AGAP1: variants seen among roughly 807,000 people sequenced by gnomAD.
The protein encoded by AGAP1 is arf-GAP with GTPase, ANK repeat and PH domain-containing protein 1.
Under a neutral mutation model 105.3 loss-of-function variants are expected in AGAP1, and 29 were observed. That is an observed-to-expected ratio of 0.28 (90% CI 0.21 to 0.38). AGAP1 has a LOEUF of 0.38. AGAP1 is among the 10% of genes least tolerant of loss of function. The pLI is 1.00. For synonymous variants in AGAP1, 509 were observed against 485.9 expected (o/e 1.05, Z -0.63); for missense variants, 998 against 1,165.1 (o/e 0.86, Z 2.09).
chr2:235,632,982 C>T (rs1446772408), intron 1 of AGAP1, among the ~76,000 whole-genome samples: 3 of 152,020 alleles, frequency 2.0e-5, no homozygotes, highest in Non-Finnish European at 4.4e-5. Flanking sequence ...GAAGGGGTCT[C>T]GGCTTCCTTC....
rs1559210965 is a variant in AGAP1, at chr2:235,509,443, G to A, written c.163+14594G>A. 1.3e-5 allele frequency among the ~76,000 whole-genome samples: 2 copies of A among 151,950 alleles called. 1 individual carries two copies. Among genetic ancestry groups the A allele is most frequent in the South Asian group, 4.2e-4 (2 of 4,802 alleles). ...AGAGACGGTTTCACCATGTTGGCCA[G>A]GCTGGTCTCGAACTCCTGACCTCAA... is the stretch of plus-strand genomic sequence containing the variant. On this transcript the variant is annotated intron_variant, in intron 1 of 17. Coordinates refer to ENST00000304032, the MANE Select transcript of AGAP1 (RefSeq NM_001037131.3).
At chr2:235,678,692 TTGTC>T in intron 1 of AGAP1, among the ~76,000 whole-genome samples, 1 of 152,128 alleles carries the variant, frequency 6.6e-6, no homozygotes, top group South Asian at 2.1e-4. Flanking sequence ...AGGAAGATAT[TTGTC>T]TGGAGTTTCT....
At chr2:236,043,419 A>G (rs554889392) in intron 15 of AGAP1, among the ~76,000 whole-genome samples, 3 of 152,186 alleles carry the variant, frequency 2.0e-5, no homozygotes, top group Middle Eastern at 3.2e-3. Context: ...GCTACCTTTA[A>G]AAATCATGGA....
Position 235,750,496 on chromosome 2 carries a change from C to T in AGAP1, c.673+8C>T. 1 of 1,613,970 alleles carries T rather than the reference C, an allele frequency of 6.2e-7. No homozygotes were observed. On this transcript the variant is annotated splice_region_variant and intron_variant, in intron 6 of 17. Transcript: ENST00000304032. The surrounding 1 kb of genome is among the most constrained non-coding windows in gnomAD (Gnocchi z 5.3). ...AGAGGGTCTTCCAGGACGGTAAATG[C>T]GCGTGGCTGGGAGTTTAATTTCAGT... is the stretch of plus-strand genomic sequence containing the variant.
Position 236,044,287 on chromosome 2 carries a change from G to A in AGAP1, c.1891+3446G>A, listed in dbSNP as rs984493544. Among the ~76,000 whole-genome samples the A allele has an allele frequency of 6.6e-6, 1 of 152,150 alleles. No homozygotes were observed. The highest frequency in any genetic ancestry group is 6.5e-5 in the Admixed American group (1 of 15,272). On this transcript the variant is annotated intron_variant, in intron 15 of 17. Transcript: ENST00000304032. The surrounding 1 kb of genome is among the most constrained non-coding windows in gnomAD (Gnocchi z 5.7). ...CCTTTGTTTAGGGTGCCTGTTGCCTGCCTTCTGCCAGGAACATGCCAAGGA... is the reference window on the plus strand; with the variant it reads ...CCTTTGTTTAGGGTGCCTGTTGCCTACCTTCTGCCAGGAACATGCCAAGGA...
chr2:235,942,799 G>C (rs907033833), intron 12 of AGAP1, among the ~76,000 whole-genome samples: 1 of 151,952 alleles, frequency 6.6e-6, no homozygotes, highest in African/African-American at 2.4e-5. Context: ...AATTTCAGGG[G>C]GACTTTTTTA....
chr2:235,771,272 G>GT (rs1296871210), intron 6 of AGAP1, among the ~76,000 whole-genome samples: 1 of 152,234 alleles, frequency 6.6e-6, no homozygotes, highest in Non-Finnish European at 1.5e-5. Context: ...ATGGTCAGAG[G>GT]CAGGCCGCCT....
chr2:235,533,017 A>G (rs746493642), intron 1 of AGAP1, among the ~76,000 whole-genome samples: 35 of 152,200 alleles, frequency 2.3e-4, no homozygotes, highest in Non-Finnish European at 4.9e-4. Flanking sequence ...CAATCAATCA[A>G]TATCAGTAAC....
intron 6 of AGAP1, among the ~76,000 whole-genome samples, chr2:235,786,079 A>G (rs1320089997): frequency 6.6e-6 from 1 of 152,124 alleles, no homozygotes; most frequent in East Asian, 1.9e-4. Flanking sequence ...CAGCTTGATG[A>G]GTTGAGAAGA....
In AGAP1 at chr2:235,732,251, C is replaced by G. The variant is rs905613337; in HGVS notation, c.311-8712C>G. ...TGTCAATGAACTTCTCTCTTAAATACTTTACCTCTGTCTTTTTAATCTCAT... is the reference window on the plus strand; with the variant it reads ...TGTCAATGAACTTCTCTCTTAAATAGTTTACCTCTGTCTTTTTAATCTCAT... On this transcript the variant is annotated intron_variant, in intron 3 of 17. Transcript: ENST00000304032. The surrounding 1 kb of genome is among the most constrained non-coding windows in gnomAD (Gnocchi z 4.8). 1.3e-5 allele frequency among the ~76,000 whole-genome samples: 2 copies of G among 152,180 alleles called. No individual in the cohort carries two copies. The highest frequency in any genetic ancestry group is 2.9e-5 in the Non-Finnish European group (2 of 68,032).
Position 235,621,221 on chromosome 2 carries a change from C to G in AGAP1, c.164-87958C>G, listed in dbSNP as rs561086985. On this transcript the variant is annotated intron_variant, in intron 1 of 17. Coordinates refer to ENST00000304032, the MANE Select transcript of AGAP1 (RefSeq NM_001037131.3). This position sits in a 1 kb window ranked among gnomAD's most constrained non-coding sequence, Gnocchi z 4.1. ...ATTTTTAGTACAGATAGGGATTCAC[C>G]GTGTTGGCCAGGGTGGTCTTGAACT... Among the ~76,000 whole-genome samples, 5 of 152,112 alleles carry G rather than the reference C, an allele frequency of 3.3e-5. No homozygotes were observed. Among genetic ancestry groups the G allele is most frequent in the African/African-American group, 9.7e-5 (4 of 41,416 alleles).
chr2:235,800,887 C>G (rs1957464480), intron 8 of AGAP1, among the ~76,000 whole-genome samples: 1 of 152,172 alleles, frequency 6.6e-6, no homozygotes, highest in African/African-American at 2.4e-5. Flanking sequence ...ATCTGACTTC[C>G]ATTTTGGTTG....
At position 235,622,113 on chromosome 2, in the gene AGAP1, A is replaced by G. The variant is rs770427122; in HGVS notation, c.164-87066A>G. Among the ~76,000 whole-genome samples the G allele has an allele frequency of 2.3e-4, 35 of 152,328 alleles. No individual in the cohort carries two copies. The highest frequency in any genetic ancestry group is 4.3e-4 in the Non-Finnish European group (29 of 68,030). ...TGTGTTTTGAATAGGTTACATGCAGACATCCAAAATAAACTTTTTTTTTTC... is the reference window on the plus strand; with the variant it reads ...TGTGTTTTGAATAGGTTACATGCAGGCATCCAAAATAAACTTTTTTTTTTC... On this transcript the variant is annotated intron_variant, in intron 1 of 17. Transcript: ENST00000304032. The surrounding 1 kb of genome is among the most constrained non-coding windows in gnomAD (Gnocchi z 5.0).
intron 1 of AGAP1, among the ~76,000 whole-genome samples, chr2:235,519,154 C>T (rs1450497561): frequency 1.3e-5 from 2 of 152,138 alleles, no homozygotes; most frequent in African/African-American, 2.4e-5. Flanking sequence ...CTCACCATAA[C>T]CTCAAACTCC....
At position 235,992,510 on chromosome 2, in the gene AGAP1, C is replaced by T. The variant is rs574117511; in HGVS notation, c.1645+23887C>T. 1.3e-5 allele frequency among the ~76,000 whole-genome samples: 2 copies of T among 152,172 alleles called. No homozygotes were observed. Among genetic ancestry groups the T allele is most frequent in the South Asian group, 2.1e-4 (1 of 4,822 alleles). On this transcript the variant is annotated intron_variant, in intron 13 of 17. Transcript: ENST00000304032. This position sits in a 1 kb window ranked among gnomAD's most constrained non-coding sequence, Gnocchi z 4.8. ...AGTTCTTATAGACTACAGTATTACT[C>T]GTGGGAGCCAAATTATGTGCAGTGT...
At chr2:235,955,550 G>C (rs1447155430) in intron 12 of AGAP1, among the ~76,000 whole-genome samples, 2 of 152,150 alleles carry the variant, frequency 1.3e-5, no homozygotes, top group African/African-American at 4.8e-5. Context: ...ATCCTTCTAA[G>C]CAGCTGGGAA....
intron 16 of AGAP1, among the ~76,000 whole-genome samples, chr2:236,059,670 G>T (rs1310781065): frequency 1.3e-5 from 2 of 152,136 alleles, no homozygotes; most frequent in Non-Finnish European, 1.5e-5. Flanking sequence ...CCCCTTCATC[G>T]GTGGGCAGTT....
intron 9 of AGAP1, among the ~76,000 whole-genome samples, chr2:235,846,548 C>G (rs180853742): frequency 1.3e-5 from 2 of 151,764 alleles, no homozygotes; most frequent in Admixed American, 1.3e-4. Context: ...CCAGGCTGGT[C>G]TCAAACTCCT....
chr2:235,710,011 G>A (rs1016293339), intron 2 of AGAP1, among the ~76,000 whole-genome samples: 1 of 152,188 alleles, frequency 6.6e-6, no homozygotes, highest in East Asian at 1.9e-4. Context: ...ATCTATGTAT[G>A]TATGTATATA....
Sources: allele counts gnomAD v4.1 joint callset (sites outside exome capture counted in the v4.1 genomes callset), GRCh38; gene constraint gnomAD v4.1.1; non-coding constraint Gnocchi (gnomAD v3.1); transcripts MANE v1.5; gene names NCBI Gene and HGNC (gene_info 2026-07-23, HGNC 2026-07-21).